The following SEMA3D variants were observed in gnomAD, a reference collection of about 807,000 sequenced individuals.
The protein encoded by SEMA3D is semaphorin 3D, also known as semaphorin-3D.
Under a neutral mutation model 100.1 loss-of-function variants are expected in SEMA3D, and 84 were observed. The observed-to-expected ratio is 0.84, with a 90% confidence interval of 0.70 to 1.01. SEMA3D has a LOEUF of 1.01. SEMA3D is among the 50% of genes least tolerant of loss of function. The pLI, the probability that SEMA3D is intolerant of heterozygous loss-of-function variation, is 0.00. For synonymous variants in SEMA3D, 312 were observed against 320.7 expected (o/e 0.97, Z 0.29); for missense variants, 875 against 934.1 (o/e 0.94, Z 0.82).
chr7:85,070,320 C>T (rs1329429216), intron 6 of SEMA3D, among the ~76,000 whole-genome samples: 1 of 152,172 alleles, frequency 6.6e-6, no homozygotes, highest in Non-Finnish European at 1.5e-5. Flanking sequence ...CTACTACTCT[C>T]ACCTCAATAA....
the SEMA3D span, among the ~76,000 whole-genome samples, chr7:85,216,391 A>ATGTG: frequency 7.2e-6 from 1 of 138,068 alleles, no homozygotes; most frequent in Admixed American, 7.3e-5. Flanking sequence ...GTGTGTGTGA[A>ATGTG]AAAATCATTG....
At chr7:85,237,260 T>C in the SEMA3D span, among the ~76,000 whole-genome samples, 1 of 152,272 alleles carries the variant, frequency 6.6e-6, no homozygotes, top group South Asian at 2.1e-4. Context: ...AGTGATAAAT[T>C]TGTTACAATC....
intron 16 of SEMA3D, 143 bp downstream of exon 16, chr7:85,014,913 AAAC>A: frequency 1.8e-6 from 1 of 556,528 alleles, no homozygotes; most frequent in Non-Finnish European, 2.9e-6. Flanking sequence ...TAAAAATATA[AAAC>A]AACATTTTGA....
intron 1 of SEMA3D, among the ~76,000 whole-genome samples, chr7:85,171,177 T>C (rs958681016): frequency 6.6e-6 from 1 of 151,962 alleles, no homozygotes; most frequent in Non-Finnish European, 1.5e-5. Flanking sequence ...GGTGAAATCA[T>C]AAGAATGTAA....
the SEMA3D span, among the ~76,000 whole-genome samples, chr7:85,248,662 C>T: frequency 6.6e-6 from 1 of 152,064 alleles, no homozygotes; most frequent in African/African-American, 2.4e-5. Flanking sequence ...CATGAGCTAT[C>T]CAGTCATGAA....
chr7:85,134,025 A>C (rs1789794311), intron 2 of SEMA3D, among the ~76,000 whole-genome samples: 2 of 151,822 alleles, frequency 1.3e-5, no homozygotes, highest in Admixed American at 6.6e-5. Flanking sequence ...AAAATTCTCA[A>C]CTCCCATTCC....
the SEMA3D span, among the ~76,000 whole-genome samples, chr7:85,230,185 T>C: frequency 1.4e-5 from 2 of 145,686 alleles, no homozygotes; most frequent in Non-Finnish European, 2.9e-5. Flanking sequence ...TTTGCTACCA[T>C]GACATTTCTC....
intron 18 of SEMA3D, among the ~76,000 whole-genome samples, chr7:85,000,236 C>T (rs1192269266): frequency 6.6e-6 from 1 of 152,014 alleles, no homozygotes; most frequent in African/African-American, 2.4e-5. Flanking sequence ...ATTACTGTAT[C>T]AAGATCATAA....
In SEMA3D at chr7:85,020,292, T is replaced by C. The variant is rs146193359; in HGVS notation, c.1444A>G (p.Ile482Val). The C allele has an allele frequency of 8.7e-6, 14 of 1,610,084 alleles. No homozygotes were observed. The African/African-American group carries it at 1.9e-4, about 22-fold the overall frequency. ...DIGTVLKVVSISKEKWNMEEV... is the reference protein window; with the variant it reads ...DIGTVLKVVSVSKEKWNMEEV... ...TCCATATTCCACTTTTCCTTTGAAA[T>C]GCTGACAACTTTGAGGACAGTTCCA... The change falls in exon 14 of 19, where the codon ATT becomes GTT. Residue 482 changes from isoleucine (I) to valine (V), a missense_variant. Transcript: ENST00000284136.
At chr7:85,002,635 C>T (rs1405856362) in intron 18 of SEMA3D, among the ~76,000 whole-genome samples, 3 of 152,036 alleles carry the variant, frequency 2.0e-5, no homozygotes, top group Non-Finnish European at 2.9e-5. Context: ...AATCTCTGGC[C>T]ATTGATTTAA....
At chr7:85,052,988 A>G (rs1037548943) in intron 9 of SEMA3D, among the ~76,000 whole-genome samples, 3 of 151,934 alleles carry the variant, frequency 2.0e-5, no homozygotes, top group Non-Finnish European at 2.9e-5. Context: ...TGACCGGTCA[A>G]TAAAACTAGT....
Position 84,999,136 on chromosome 7 carries a change from T to C in SEMA3D, c.*304A>G, listed in dbSNP as rs532905081. Reference sequence around the variant, plus strand: ...TACACTATCAAATTCGGGGCTTGCTTAGCTCAACTATTTACATGACAATAA... The same window carrying C: ...TACACTATCAAATTCGGGGCTTGCTCAGCTCAACTATTTACATGACAATAA... On this transcript the variant is annotated 3_prime_UTR_variant, in exon 19 of 19. Transcript: ENST00000284136. 8.2e-6 allele frequency: 3 copies of C among 366,580 alleles called. No homozygotes were observed. The highest frequency in any genetic ancestry group is 6.2e-5 in the African/African-American group (3 of 48,500). 22.7% of individuals were successfully genotyped at this position (366,580 alleles called of 1,614,324 possible).
intron 2 of SEMA3D, among the ~76,000 whole-genome samples, chr7:85,137,825 T>C (rs1412272811): frequency 2.0e-5 from 3 of 152,142 alleles, no homozygotes; most frequent in Non-Finnish European, 4.4e-5. Context: ...ACACATCCCA[T>C]CTAAATTATA....
intron 2 of SEMA3D, chr7:85,142,674 A>ATTTTT: frequency 4.4e-6 from 4 of 908,710 alleles, no homozygotes; most frequent in African/African-American, 1.9e-5. Flanking sequence ...GAAGGATGGC[A>ATTTTT]TTTTTTTTTT....
the SEMA3D span, among the ~76,000 whole-genome samples, chr7:85,228,609 C>T: frequency 5.9e-5 from 9 of 152,120 alleles, 1 homozygote; most frequent in East Asian, 1.5e-3. Context: ...GATCGTATTC[C>T]TTCCTTGATC....
At chr7:85,209,035 G>A in the SEMA3D span, among the ~76,000 whole-genome samples, 11 of 152,014 alleles carry the variant, frequency 7.2e-5, no homozygotes, top group South Asian at 2.1e-4. Flanking sequence ...ACAACACTGC[G>A]TATGACCAGC....
the SEMA3D span, among the ~76,000 whole-genome samples, chr7:85,194,861 G>A: frequency 6.6e-6 from 1 of 152,022 alleles, no homozygotes; most frequent in African/African-American, 2.4e-5. Context: ...CATCTTTCGT[G>A]TGTGTGTGTC....
At chr7:85,222,160 C>T in the SEMA3D span, among the ~76,000 whole-genome samples, 2 of 152,032 alleles carry the variant, frequency 1.3e-5, no homozygotes, top group African/African-American at 2.4e-5. Flanking sequence ...ACTTATTTTG[C>T]TACCATTTAC....
intron 3 of SEMA3D, among the ~76,000 whole-genome samples, chr7:85,109,760 G>A (rs962836844): frequency 1.3e-5 from 2 of 151,890 alleles, no homozygotes; most frequent in African/African-American, 2.4e-5. Context: ...TCATACACAT[G>A]TACGGAAAAA....
Sources: gnomAD v4.1 joint callset for allele counts (sites outside exome capture counted in the v4.1 genomes callset) on GRCh38, gnomAD v4.1.1 for gene constraint, MANE v1.5 for transcripts, NCBI Gene and HGNC (gene_info 2026-07-23, HGNC 2026-07-21) for gene names.